TNNI3K: variants seen among roughly 807,000 people sequenced by gnomAD.
The protein encoded by TNNI3K is serine/threonine-protein kinase TNNI3K.
A neutral mutation model predicts 114.5 loss-of-function variants in TNNI3K; 140 were observed. The ratio of observed to expected loss-of-function variants is 1.22; its 90% confidence interval spans 1.07 to 1.41. The LOEUF (loss-of-function observed/expected upper bound fraction) is 1.41, where lower values mean the gene tolerates loss of function less well. Ranked by LOEUF, TNNI3K falls within the 40% of genes most tolerant of loss-of-function variation. TNNI3K has a pLI of 0.00. For missense variants in TNNI3K, 1,125 were observed against 1,007.6 expected (o/e 1.12, Z -1.58); for synonymous variants, 347 against 347.5 (o/e 1.00, Z 0.02).
chr1:74,489,945 TGCATATGCAGGGAAGGG>T (rs1668971041), intron 22 of TNNI3K, among the ~76,000 whole-genome samples: 1 of 151,260 alleles, frequency 6.6e-6, no homozygotes, highest in Non-Finnish European at 1.5e-5. Flanking sequence ...TATATGCATT[TGCATATGCAGGGAAGGG>T]GCAACAATAG....
chr1:74,307,531 G>C (rs1030195477), intron 5 of TNNI3K, among the ~76,000 whole-genome samples: 1 of 151,998 alleles, frequency 6.6e-6, no homozygotes, highest in African/African-American at 2.4e-5. Context: ...ACAGTAATAA[G>C]GGACAAATAA....
At chr1:74,469,745 A>G in intron 21 of TNNI3K, 1 of 396,022 alleles carries the variant, frequency 2.5e-6, no homozygotes, top group Non-Finnish European at 4.5e-6. Flanking sequence ...TTTATTGATA[A>G]CAAAGAGTTA....
intron 17 of TNNI3K, among the ~76,000 whole-genome samples, chr1:74,417,460 G>A (rs777887355): frequency 2.6e-5 from 4 of 152,054 alleles, no homozygotes; most frequent in Non-Finnish European, 4.4e-5. Flanking sequence ...AATGTGCTGC[G>A]TTCTGAAATT....
At chr1:74,449,364 A>G (rs986344021) in intron 20 of TNNI3K, among the ~76,000 whole-genome samples, 2 of 148,522 alleles carry the variant, frequency 1.3e-5, no homozygotes, top group African/African-American at 2.5e-5. Flanking sequence ...TTTTTTCTTT[A>G]TTAGTCTTGC....
intron 17 of TNNI3K, among the ~76,000 whole-genome samples, chr1:74,414,874 C>T (rs2100620026): frequency 6.6e-6 from 1 of 152,286 alleles, no homozygotes; most frequent in African/African-American, 2.4e-5. Context: ...TCTGGCTCCT[C>T]CCAACCCTTT....
intron 9 of TNNI3K, among the ~76,000 whole-genome samples, chr1:74,345,418 T>C (rs1461663466): frequency 6.6e-6 from 1 of 152,138 alleles, no homozygotes; most frequent in Non-Finnish European, 1.5e-5. Context: ...CAGTGTAAGA[T>C]TGAAATTACA....
intron 20 of TNNI3K, among the ~76,000 whole-genome samples, chr1:74,454,124 A>G (rs767323264): frequency 6.6e-6 from 1 of 152,076 alleles, no homozygotes; most frequent in Non-Finnish European, 1.5e-5. Context: ...TATGGGGTAC[A>G]TGTGATGTTT....
At chr1:74,337,484 G>T (rs1660535052) in intron 7 of TNNI3K, among the ~76,000 whole-genome samples, 2 of 152,004 alleles carry the variant, frequency 1.3e-5, no homozygotes. Context: ...ATGGTTATTA[G>T]GAGCTCCAGT....
At chr1:74,253,715 C>T (rs756255867) in intron 4 of TNNI3K, among the ~76,000 whole-genome samples, 22 of 152,136 alleles carry the variant, frequency 1.4e-4, no homozygotes, top group Non-Finnish European at 2.9e-4. Context: ...GCCCCAGTTC[C>T]TGCCCGTGCC....
chr1:74,465,112 G>C (rs937835575), intron 21 of TNNI3K, among the ~76,000 whole-genome samples: 2 of 152,216 alleles, frequency 1.3e-5, no homozygotes, highest in East Asian at 3.9e-4. Flanking sequence ...GCTATTGAGA[G>C]ATGACAACGT....
At chr1:74,408,816 T>A (rs1334952364) in intron 17 of TNNI3K, among the ~76,000 whole-genome samples, 1 of 152,224 alleles carries the variant, frequency 6.6e-6, no homozygotes, top group East Asian at 1.9e-4. Context: ...TAGTTTAACA[T>A]TTAAGTAGAT....
chr1:74,465,543 C>CA, intron 21 of TNNI3K, among the ~76,000 whole-genome samples: 1 of 151,528 alleles, frequency 6.6e-6, no homozygotes, highest in Non-Finnish European at 1.5e-5. Flanking sequence ...AGTCCCCCCC[C>CA]AACCGTGGGC....
At chr1:74,466,095 A>AAGAG (rs1386817816) in intron 21 of TNNI3K, among the ~76,000 whole-genome samples, 2 of 152,178 alleles carry the variant, frequency 1.3e-5, no homozygotes, top group Admixed American at 1.3e-4. Context: ...AAGACCACGA[A>AAGAG]CCCACCAGAA....
chr1:74,412,702 C>G (rs1213652307), intron 17 of TNNI3K, among the ~76,000 whole-genome samples: 1 of 152,128 alleles, frequency 6.6e-6, no homozygotes, highest in African/African-American at 2.4e-5. Context: ...GGAACCTCCC[C>G]CTCCAGGGTT....
chr1:74,490,701 A>G lies in TNNI3K; in HGVS notation c.2182-1396A>G, dbSNP rs577647525. On this transcript the variant is annotated intron_variant, in intron 22 of 24. Coordinates refer to ENST00000326637, the MANE Select transcript of TNNI3K (RefSeq NM_015978.3). Reference sequence around the variant, plus strand: ...TATCCTCTCTATTCTTCAACTTTTCAGTCAACGGTTTAGATCAAGGCCAAG... The same window carrying G: ...TATCCTCTCTATTCTTCAACTTTTCGGTCAACGGTTTAGATCAAGGCCAAG... Among the ~76,000 whole-genome samples the G allele has an allele frequency of 2.6e-5, 4 of 152,300 alleles. No individual in the cohort carries two copies. The South Asian group carries it at 8.3e-4, about 32-fold the overall frequency.
intron 23 of TNNI3K, chr1:74,512,679 A>T (rs959967103): frequency 1.4e-4 from 22 of 152,316 alleles, no homozygotes; most frequent in African/African-American, 5.3e-4. Flanking sequence ...TCCTGGCTTC[A>T]TCCTTTAGTG....
chr1:74,271,677 T>A lies in TNNI3K; in HGVS notation c.413T>A (p.Leu138His). 6.2e-7 allele frequency: 1 copy of A among 1,608,572 alleles called. No homozygotes were observed. Among genetic ancestry groups the A allele is most frequent in the Non-Finnish European group, 8.5e-7 (1 of 1,176,838 alleles). Residue 138 changes from leucine (L) to histidine (H), a missense_variant, in exon 5 of 25, where the codon CTC (leucine) becomes CAC (histidine). By Grantham distance (99) the Leu-to-His change is moderately conservative. Transcript: ENST00000326637. ...QQVGYGGLTA[L>H]HIATIAGHLE... The stretch of plus-strand genomic sequence containing the variant: ...GTTGGATACGGTGGCCTCACTGCCC[T>A]CCATATTGCTACAATAGCTGGCCAC...
chr1:74,301,236 C>T (rs1163276355), intron 5 of TNNI3K, among the ~76,000 whole-genome samples: 1 of 152,002 alleles, frequency 6.6e-6, no homozygotes, highest in Non-Finnish European at 1.5e-5. Flanking sequence ...CCTGTCTCTA[C>T]TAAAAATACA....
chr1:74,301,625 G>C (rs1317045602), intron 5 of TNNI3K, among the ~76,000 whole-genome samples: 1 of 152,158 alleles, frequency 6.6e-6, no homozygotes, highest in East Asian at 1.9e-4. Flanking sequence ...TGGCTTCTCA[G>C]TGACCCTAAT....
Sources: allele counts gnomAD v4.1 joint callset (sites outside exome capture counted in the v4.1 genomes callset), GRCh38; gene constraint gnomAD v4.1.1; transcripts MANE v1.5; gene names NCBI Gene and HGNC (gene_info 2026-07-23, HGNC 2026-07-21).